FBXL13: variants seen among roughly 807,000 people sequenced by gnomAD.
The protein encoded by FBXL13 is F-box and leucine rich repeat protein 13, also known as F-box and leucine-rich repeat protein 13.
FBXL13 carries 67 observed loss-of-function variants against 83.6 expected under a neutral mutation model. The ratio of observed to expected loss-of-function variants is 0.80; its 90% confidence interval spans 0.66 to 0.98. The LOEUF (loss-of-function observed/expected upper bound fraction) is 0.98. FBXL13 is among the 50% of genes least tolerant of loss of function. FBXL13 has a pLI of 0.00. For missense variants in FBXL13, 822 were observed against 866.5 expected (o/e 0.95, Z 0.64); for synonymous variants, 272 against 299.5 (o/e 0.91, Z 0.95).
rs1426730726 is a variant in FBXL13, at chr7:102,884,507, T to C, written c.1009-195A>G. Among the ~76,000 whole-genome samples, 5 of 152,154 alleles carry C rather than the reference T, an allele frequency of 3.3e-5. No homozygotes were observed. The East Asian group carries it at 9.6e-4, about 29-fold the overall frequency. ...TAATTTTTTATCGAGGTAAAATTTA[T>C]ATAACATAAAATAAGCCATGTAAGC... On this transcript the variant is annotated intron_variant, in intron 11 of 19. Transcript: ENST00000313221.
At chr7:102,967,462 AG>A (rs1197020649) in intron 7 of FBXL13, among the ~76,000 whole-genome samples, 1 of 152,108 alleles carries the variant, frequency 6.6e-6, no homozygotes, top group Non-Finnish European at 1.5e-5. Flanking sequence ...TAGTAGAGAC[AG>A]GGTTTCACCA....
At chr7:102,932,424 A>G (rs1284670734) in intron 8 of FBXL13, among the ~76,000 whole-genome samples, 1 of 152,134 alleles carries the variant, frequency 6.6e-6, no homozygotes, top group Non-Finnish European at 1.5e-5. Context: ...ATTCATCTCT[A>G]TCTATAGCCC....
At chr7:102,957,100 A>C (rs1204421212) in intron 8 of FBXL13, among the ~76,000 whole-genome samples, 2 of 152,224 alleles carry the variant, frequency 1.3e-5, no homozygotes, top group African/African-American at 4.8e-5. Context: ...AAAAAGAACA[A>C]AGCTGGAGGC....
intron 11 of FBXL13, among the ~76,000 whole-genome samples, chr7:102,908,752 CAG>C: frequency 6.6e-6 from 1 of 152,352 alleles, no homozygotes; most frequent in African/African-American, 2.4e-5. Context: ...GTTTCCCAAA[CAG>C]AGTCTCTCTG....
In FBXL13 at chr7:102,947,391, T is replaced by A. The variant is rs1047900717; in HGVS notation, c.725-15458A>T. Among the ~76,000 whole-genome samples, 6 of 152,230 alleles carry A rather than the reference T, an allele frequency of 3.9e-5. No homozygotes were observed. The East Asian group carries it at 9.6e-4, about 24-fold the overall frequency. On this transcript the variant is annotated intron_variant, in intron 8 of 19. Transcript: ENST00000313221. ...TCATATTCAATTTAATCCCCAGGGA[T>A]GTATTTGGAAATAAAGCTCCTGAAC...
rs542016230 is a variant in FBXL13, at chr7:102,921,940, C to CTT, written c.878+4333_878+4334insAA. Among the ~76,000 whole-genome samples the CTT allele has an allele frequency of 2.4e-4, 37 of 152,136 alleles. No individual in the cohort carries two copies. The South Asian group carries it at 7.1e-3, about 29-fold the overall frequency. On this transcript the variant is annotated intron_variant, in intron 10 of 19. Coordinates refer to ENST00000313221, the Ensembl canonical transcript of FBXL13. ...GCATGGTGGCTCACGCCTGTAATCCCAGCACTTTGGGAGGCCAAGGTGGGT... is the reference window on the plus strand; with the variant it reads ...GCATGGTGGCTCACGCCTGTAATCCCTTAGCACTTTGGGAGGCCAAGGTGGGT...
rs181164594 is a variant in FBXL13, at chr7:102,956,152, G to A, written c.724+7381C>T. 3.1e-3 allele frequency among the ~76,000 whole-genome samples: 467 copies of A among 152,124 alleles called. 4 individuals carry two copies. Among genetic ancestry groups the A allele is most frequent in the African/African-American group, 0.011 (439 of 41,518 alleles). On this transcript the variant is annotated intron_variant, in intron 8 of 19. Coordinates refer to ENST00000313221, the Ensembl canonical transcript of FBXL13. ...ATCCTCAATAAAATACTGGCAAACC[G>A]AATCCAGCAGCACATCAAAAAGCTT...
chr7:102,851,413 T>C (rs1562993965), intron 17 of FBXL13, among the ~76,000 whole-genome samples: 1 of 152,044 alleles, frequency 6.6e-6, no homozygotes, highest in Non-Finnish European at 1.5e-5. Flanking sequence ...CAAACCCTTT[T>C]ATAGGTTTTT....
At chr7:102,985,358 C>T (rs997326598) in intron 6 of FBXL13, among the ~76,000 whole-genome samples, 24 of 152,184 alleles carry the variant, frequency 1.6e-4, no homozygotes, top group African/African-American at 5.8e-4. Flanking sequence ...GGCTATGCTC[C>T]TGAGTGAGCT....
intron 10 of FBXL13, among the ~76,000 whole-genome samples, chr7:102,921,146 C>T (rs898436855): frequency 5.9e-5 from 9 of 151,950 alleles, no homozygotes; most frequent in Non-Finnish European, 1.2e-4. Context: ...GGCGAGACTC[C>T]GTCTCAAAAC....
downstream of FBXL13, among the ~76,000 whole-genome samples, chr7:102,812,970 G>A (rs555162353): frequency 2.0e-5 from 3 of 151,740 alleles, no homozygotes; most frequent in East Asian, 5.8e-4. Context: ...AGCCTCCTGA[G>A]TAGCTGGGAT....
intron 6 of FBXL13, among the ~76,000 whole-genome samples, chr7:102,998,031 C>T (rs1490069897): frequency 1.3e-5 from 2 of 152,204 alleles, no homozygotes; most frequent in Non-Finnish European, 2.9e-5. Flanking sequence ...TTCCCACCAA[C>T]AGTGTATGAA....
At chr7:102,893,969 A>AGAAACAAAGAAAGAAAGAAAGAG (rs1811913741) in intron 11 of FBXL13, among the ~76,000 whole-genome samples, 1 of 145,396 alleles carries the variant, frequency 6.9e-6, no homozygotes, top group Non-Finnish European at 1.5e-5. Flanking sequence ...AAAGAGAGAA[A>AGAAACAAAGAAAGAAAGAAAGAG]GAAAGAAAGA....
At chr7:103,070,005 G>A (rs1424878686) in intron 1 of FBXL13, among the ~76,000 whole-genome samples, 1 of 151,376 alleles carries the variant, frequency 6.6e-6, no homozygotes, top group Non-Finnish European at 1.5e-5. Flanking sequence ...CGTGAAGCCA[G>A]GAGGCGGAGC....
chr7:102,880,813 C>G (rs1809939119), intron 14 of FBXL13, among the ~76,000 whole-genome samples: 1 of 152,208 alleles, frequency 6.6e-6, no homozygotes, highest in Admixed American at 6.5e-5. Flanking sequence ...ACTCTGCCCC[C>G]TTAAAGAGGT....
intron 11 of FBXL13, among the ~76,000 whole-genome samples, chr7:102,898,861 C>T (rs1189636902): frequency 6.6e-6 from 1 of 152,196 alleles, no homozygotes; most frequent in South Asian, 2.1e-4. Flanking sequence ...GTAAGGCTCT[C>T]CCTAAAGCAC....
Position 103,023,232 on chromosome 7 carries a change from C to T in FBXL13, c.495+1831G>A, listed in dbSNP as rs1160485657. ...TGGAGCCTGCAGTGAGCTGAGATCG[C>T]GCCACTGCACTCCAGCCTGAGCGAC... On this transcript the variant is annotated intron_variant, in intron 6 of 19. Transcript: ENST00000313221. 4.6e-5 allele frequency among the ~76,000 whole-genome samples: 7 copies of T among 152,164 alleles called. 1 individual carries two copies. The highest frequency in any genetic ancestry group is 2.1e-4 in the South Asian group (1 of 4,822).
At chr7:103,025,636 T>C (rs1793812950) in intron 5 of FBXL13, among the ~76,000 whole-genome samples, 2 of 152,210 alleles carry the variant, frequency 1.3e-5, no homozygotes, top group African/African-American at 4.8e-5. Context: ...GCCAAATTTA[T>C]TGTCACAGGA....
At chr7:102,814,902 C>A (rs1797780138) in intron 19 of FBXL13, among the ~76,000 whole-genome samples, 2 of 152,142 alleles carry the variant, frequency 1.3e-5, no homozygotes, top group African/African-American at 4.8e-5. Flanking sequence ...CATTACTATG[C>A]AAAAGTAGTG....
Sources: gnomAD v4.1 joint callset for allele counts (sites outside exome capture counted in the v4.1 genomes callset) on GRCh38, gnomAD v4.1.1 for gene constraint, MANE v1.5 for transcripts, NCBI Gene and HGNC (gene_info 2026-07-23, HGNC 2026-07-21) for gene names.